SDK1: variants seen among roughly 807,000 people sequenced by gnomAD.
The protein encoded by SDK1 is protein sidekick-1.
In SDK1, 157 loss-of-function variants were observed where a neutral mutation model predicts 245.5. That is an observed-to-expected ratio of 0.64 (90% confidence interval 0.56 to 0.73). The LOEUF is 0.73. Ranked by LOEUF, SDK1 falls within the 30% of genes least tolerant of loss-of-function variation. The pLI, the probability that SDK1 is intolerant of heterozygous loss-of-function variation, is 0.00. For missense variants in SDK1, 3,583 were observed against 3,002.3 expected (o/e 1.19, Z -4.52); for synonymous variants, 1,647 against 1,278.5 (o/e 1.29, Z -6.15).
chr7:3,721,089 C>A (rs1785352587), intron 4 of SDK1, among the ~76,000 whole-genome samples: 1 of 152,070 alleles, frequency 6.6e-6, no homozygotes, highest in African/African-American at 2.4e-5. Context: ...CTTTTGTTGC[C>A]AGGAGTTAGG....
intron 1 of SDK1, among the ~76,000 whole-genome samples, chr7:3,448,180 A>G (rs1780404447): frequency 6.6e-6 from 1 of 152,126 alleles, no homozygotes; most frequent in South Asian, 2.1e-4. Context: ...CTTTAACAGC[A>G]CTAGGTGTTA....
At chr7:3,471,840 G>A (rs1781193475) in intron 1 of SDK1, among the ~76,000 whole-genome samples, 1 of 152,138 alleles carries the variant, frequency 6.6e-6, no homozygotes, top group South Asian at 2.1e-4. Context: ...CACTCTTTGG[G>A]ACTTTATCCA....
chr7:4,114,371 G>C, intron 25 of SDK1, 97 bp downstream of exon 25: 1 of 937,774 alleles, frequency 1.1e-6, no homozygotes, highest in Non-Finnish European at 1.6e-6. Flanking sequence ...CGTCTCATTG[G>C]CCTGTCCCAC....
chr7:3,376,086 C>T (rs921706624), intron 1 of SDK1, among the ~76,000 whole-genome samples: 7 of 152,000 alleles, frequency 4.6e-5, no homozygotes, highest in African/African-American at 1.7e-4. Context: ...AATCCTAGTG[C>T]TTTGGGAGGC....
intron 1 of SDK1, among the ~76,000 whole-genome samples, chr7:3,392,868 T>C (rs1222158768): frequency 6.6e-6 from 1 of 152,114 alleles, no homozygotes; most frequent in Non-Finnish European, 1.5e-5. Flanking sequence ...CATTTGTTGA[T>C]GGACACTTGG....
chr7:3,675,629 A>G (rs1463731680), intron 4 of SDK1, among the ~76,000 whole-genome samples: 2 of 152,092 alleles, frequency 1.3e-5, no homozygotes, highest in Non-Finnish European at 2.9e-5. Flanking sequence ...GCTGGAGTAT[A>G]GTAGCATGGT....
At chr7:3,558,425 A>G (rs887331819) in intron 1 of SDK1, among the ~76,000 whole-genome samples, 2 of 152,236 alleles carry the variant, frequency 1.3e-5, no homozygotes, top group Non-Finnish European at 2.9e-5. Context: ...TGCAGTCTGA[A>G]GGAAATAACT....
chr7:3,641,512 C>G (rs1027765815), intron 3 of SDK1, among the ~76,000 whole-genome samples: 2 of 152,192 alleles, frequency 1.3e-5, no homozygotes, highest in East Asian at 3.9e-4. Context: ...AGTGACCTCA[C>G]AAATGAAGGA....
intron 28 of SDK1, among the ~76,000 whole-genome samples, chr7:4,134,024 G>A (rs1289670275): frequency 9.8e-5 from 15 of 152,302 alleles, no homozygotes; most frequent in Admixed American, 9.2e-4. Flanking sequence ...ATTCATCCAA[G>A]GTCTTTGAGT....
At chr7:3,961,394 T>A (rs1387826050) in intron 8 of SDK1, among the ~76,000 whole-genome samples, 1 of 152,238 alleles carries the variant, frequency 6.6e-6, no homozygotes, top group Non-Finnish European at 1.5e-5. Flanking sequence ...ATTAACTTTA[T>A]TTATTAAAGT....
At chr7:3,444,831 C>T (rs1780298966) in intron 1 of SDK1, among the ~76,000 whole-genome samples, 2 of 152,160 alleles carry the variant, frequency 1.3e-5, no homozygotes, top group East Asian at 1.9e-4. Flanking sequence ...ATGTGATCCC[C>T]TTTAGAGCCC....
At chr7:3,662,713 A>G (rs1783404576) in intron 4 of SDK1, among the ~76,000 whole-genome samples, 1 of 152,224 alleles carries the variant, frequency 6.6e-6, no homozygotes, top group Non-Finnish European at 1.5e-5. Flanking sequence ...TTATATACGT[A>G]TATACAAATT....
intron 5 of SDK1, among the ~76,000 whole-genome samples, chr7:3,853,982 C>T (rs540581040): frequency 4.7e-4 from 71 of 151,672 alleles, no homozygotes; most frequent in Non-Finnish European, 1.5e-4. Context: ...AGCAAGACTC[C>T]GTCTCAAAAA....
chr7:3,573,305 A>G (rs1376507370), intron 1 of SDK1, among the ~76,000 whole-genome samples: 1 of 152,152 alleles, frequency 6.6e-6, no homozygotes, highest in Admixed American at 6.5e-5. Flanking sequence ...CTGCACAGGC[A>G]GAAGAACACA....
In SDK1 at chr7:4,265,804, C is replaced by A; in HGVS notation, c.*420C>A. ...GGCCGGCCCCCGTCTCTTTCTACCT[C>A]CTCTTCCAGAGAACCAGCGGCTCAC... On this transcript the variant is annotated 3_prime_UTR_variant, in exon 45 of 45. Coordinates refer to ENST00000404826, the MANE Select transcript of SDK1 (RefSeq NM_152744.4). 1 of 1,003,704 alleles carries A rather than the reference C, an allele frequency of 1.0e-6. No individual in the cohort carries two copies. Among genetic ancestry groups the A allele is most frequent in the Non-Finnish European group, 1.2e-6 (1 of 843,504 alleles). 62.2% of individuals were successfully genotyped at this position (1,003,704 alleles called of 1,614,324 possible).
chr7:3,926,227 A>T (rs573920908), intron 5 of SDK1, among the ~76,000 whole-genome samples: 6 of 152,222 alleles, frequency 3.9e-5, no homozygotes, highest in Non-Finnish European at 5.9e-5. Context: ...GGCATCAGGG[A>T]CCCTTTGGCC....
At chr7:4,010,075 C>G (rs778615688) in intron 14 of SDK1, among the ~76,000 whole-genome samples, 1 of 152,248 alleles carries the variant, frequency 6.6e-6, no homozygotes, top group African/African-American at 2.4e-5. Flanking sequence ...CTTAGCGCCA[C>G]TTCAGGTCAG....
chr7:3,631,171 C>T (rs920064489), intron 2 of SDK1, among the ~76,000 whole-genome samples: 6 of 152,110 alleles, frequency 3.9e-5, no homozygotes, highest in Non-Finnish European at 7.4e-5. Context: ...TGGGCTCAAG[C>T]GATCCACCCA....
chr7:3,702,691 T>G (rs889173598), intron 4 of SDK1, among the ~76,000 whole-genome samples: 22 of 152,220 alleles, frequency 1.4e-4, no homozygotes, highest in Non-Finnish European at 2.6e-4. Flanking sequence ...TTCCCCATGT[T>G]GGACTAGTAT....
Sources: gnomAD v4.1 joint callset for allele counts (sites outside exome capture counted in the v4.1 genomes callset) on GRCh38, gnomAD v4.1.1 for gene constraint, MANE v1.5 for transcripts, NCBI Gene and HGNC (gene_info 2026-07-23, HGNC 2026-07-21) for gene names.